CACNA2D3: variants seen among roughly 807,000 people sequenced by gnomAD.
CACNA2D3 encodes the protein calcium voltage-gated channel auxiliary subunit alpha2delta 3, also known as voltage-dependent calcium channel subunit alpha-2/delta-3.
CACNA2D3 carries 60 observed loss-of-function variants against 160.6 expected under a neutral mutation model. The observed-to-expected ratio is 0.37, with a 90% CI of 0.30 to 0.46. The LOEUF (loss-of-function observed/expected upper bound fraction) is 0.46. Ranked by LOEUF, CACNA2D3 falls within the 20% of genes least tolerant of loss-of-function variation. CACNA2D3 has a pLI of 1.00. For synonymous variants in CACNA2D3, 558 were observed against 492.9 expected, an observed-to-expected ratio of 1.13 and a Z score of -1.75; for missense variants, 1,205 against 1,365.0, an observed-to-expected ratio of 0.88 and a Z score of 1.85.
At chr3:54,516,394 T>A (rs997890440) in intron 5 of CACNA2D3, among the ~76,000 whole-genome samples, 1 of 152,172 alleles carries the variant, frequency 6.6e-6, no homozygotes, top group African/African-American at 2.4e-5. Flanking sequence ...ACATTTCTGA[T>A]GTTTTTCTTT....
intron 3 of CACNA2D3, among the ~76,000 whole-genome samples, chr3:54,352,841 G>T (rs1559458347): frequency 6.6e-6 from 1 of 152,176 alleles, no homozygotes; most frequent in Non-Finnish European, 1.5e-5. Flanking sequence ...TAAATTTGGT[G>T]ATTTTCTTAA....
At chr3:54,236,398 C>T (rs1440453665) in intron 2 of CACNA2D3, among the ~76,000 whole-genome samples, 2 of 152,112 alleles carry the variant, frequency 1.3e-5, no homozygotes, top group Admixed American at 6.6e-5. Flanking sequence ...ACTGGGCGTG[C>T]GACATATGGA....
At chr3:54,167,585 G>A (rs1275008519) in intron 2 of CACNA2D3, among the ~76,000 whole-genome samples, 1 of 152,204 alleles carries the variant, frequency 6.6e-6, no homozygotes, top group South Asian at 2.1e-4. Context: ...TTGATGTAGT[G>A]CAAAGCCAAC....
chr3:54,451,630 A>G (rs1384691787), intron 4 of CACNA2D3, among the ~76,000 whole-genome samples: 1 of 152,142 alleles, frequency 6.6e-6, no homozygotes, highest in Non-Finnish European at 1.5e-5. Context: ...AGAGTGTGCT[A>G]TCGCATTTTT....
At chr3:54,821,668 CTTTCTTTCTTTCTTTCTTTCTTTCTTTCT>C (rs1703599654) in intron 14 of CACNA2D3, among the ~76,000 whole-genome samples, 1 of 116,160 alleles carries the variant, frequency 8.6e-6, no homozygotes, top group African/African-American at 3.0e-5. Context: ...TTCTTTCTTT[CTTTCTTTCTTTCTTTCTTTCTTTCTTTCT>C]TTCCTTCCTT....
intron 35 of CACNA2D3, among the ~76,000 whole-genome samples, chr3:55,045,104 A>G (rs1704046943): frequency 6.6e-6 from 1 of 152,184 alleles, no homozygotes; most frequent in Admixed American, 6.5e-5. Flanking sequence ...GCTGGCATGC[A>G]GTGGTATGAT....
At chr3:54,879,217 C>A in intron 19 of CACNA2D3, 128 bp downstream of exon 19, 1 of 862,210 alleles carries the variant, frequency 1.2e-6, no homozygotes, top group Non-Finnish European at 1.8e-6. Flanking sequence ...TTACTTATCT[C>A]AAACAAGATT....
chr3:54,164,021 G>A (rs902289435), intron 2 of CACNA2D3, among the ~76,000 whole-genome samples: 4 of 152,224 alleles, frequency 2.6e-5, no homozygotes, highest in Admixed American at 6.5e-5. Context: ...GGAAGGTCAG[G>A]GAAGGAGATG....
At chr3:54,457,767 T>G (rs1386556793) in intron 4 of CACNA2D3, among the ~76,000 whole-genome samples, 3 of 152,088 alleles carry the variant, frequency 2.0e-5, no homozygotes, top group Non-Finnish European at 2.9e-5. Flanking sequence ...TGCTCTGGTG[T>G]TGGGTACATA....
chr3:54,842,578 T>C (rs1698841494), intron 16 of CACNA2D3, among the ~76,000 whole-genome samples: 1 of 150,776 alleles, frequency 6.6e-6, no homozygotes, highest in Admixed American at 6.7e-5. Context: ...CTCTTTTCTT[T>C]TCTTTTCTCT....
chr3:54,684,514 T>A lies in CACNA2D3; in HGVS notation c.1167+42273T>A, dbSNP rs1036600090. On this transcript the variant is annotated intron_variant, in intron 11 of 37. Coordinates refer to ENST00000474759, the MANE Select transcript of CACNA2D3 (RefSeq NM_018398.3). Reference sequence around the variant, plus strand: ...GCACATCATCTGAAGTTACCTGTTTTGCCAGCTGCTGTGTCTTCTCCTGAG... The same window carrying A: ...GCACATCATCTGAAGTTACCTGTTTAGCCAGCTGCTGTGTCTTCTCCTGAG... Among the ~76,000 whole-genome samples the A allele has an allele frequency of 2.6e-5, 4 of 152,230 alleles. No homozygotes were observed. In the South Asian group the frequency reaches 8.3e-4, roughly 32 times the overall value.
chr3:54,280,524 G>C (rs1333369149), intron 2 of CACNA2D3, among the ~76,000 whole-genome samples: 2 of 150,054 alleles, frequency 1.3e-5, no homozygotes, highest in Admixed American at 1.3e-4. Context: ...GAAATGTGAG[G>C]GCCTGAACAC....
intron 3 of CACNA2D3, among the ~76,000 whole-genome samples, chr3:54,370,956 T>C (rs903999791): frequency 2.6e-5 from 4 of 152,202 alleles, no homozygotes; most frequent in Non-Finnish European, 5.9e-5. Flanking sequence ...GGACATTTCA[T>C]GTAAATGAAA....
chr3:54,502,389 G>A (rs1277460684), intron 4 of CACNA2D3, among the ~76,000 whole-genome samples: 5 of 151,550 alleles, frequency 3.3e-5, no homozygotes, highest in Non-Finnish European at 5.9e-5. Context: ...TTATTTCCTT[G>A]GCTGTGTTCA....
intron 2 of CACNA2D3, among the ~76,000 whole-genome samples, chr3:54,313,847 G>A (rs1352694306): frequency 1.3e-5 from 2 of 148,292 alleles, no homozygotes; most frequent in Non-Finnish European, 3.0e-5. Context: ...TTCCTTGCCT[G>A]TTTCCTTCTC....
chr3:54,925,950 A>C (rs192343840), intron 27 of CACNA2D3, among the ~76,000 whole-genome samples: 1 of 152,366 alleles, frequency 6.6e-6, no homozygotes, highest in African/African-American at 2.4e-5. Flanking sequence ...ATGGAAAAGC[A>C]TTAAGAATAG....
intron 13 of CACNA2D3, among the ~76,000 whole-genome samples, chr3:54,800,483 G>C (rs1451394377): frequency 6.6e-6 from 1 of 152,116 alleles, no homozygotes; most frequent in African/African-American, 2.4e-5. Context: ...ATTTTAATTG[G>C]AACCTTATTT....
chr3:54,989,760 G>A (rs55707392), intron 31 of CACNA2D3, among the ~76,000 whole-genome samples: 24,570 of 152,174 alleles, frequency 0.16, 2,325 homozygotes, highest in East Asian at 0.31. Context: ...CATGATTTTT[G>A]TTGTCGATCT....
At chr3:54,882,568 A>G (rs1337411869) in intron 21 of CACNA2D3, among the ~76,000 whole-genome samples, 1 of 152,230 alleles carries the variant, frequency 6.6e-6, no homozygotes, top group Non-Finnish European at 1.5e-5. Context: ...TCAAATCCTC[A>G]GCAAGGGGGA....
Sources: gnomAD v4.1 joint callset for allele counts (sites outside exome capture counted in the v4.1 genomes callset) on GRCh38, gnomAD v4.1.1 for gene constraint, MANE v1.5 for transcripts, NCBI Gene and HGNC (gene_info 2026-07-23, HGNC 2026-07-21) for gene names.